The following ASB8 variants were observed in gnomAD, a reference collection of about 807,000 sequenced individuals.
ASB8 encodes ankyrin repeat and SOCS box protein 8.
ASB8 carries 15 observed loss-of-function variants against 22.9 expected under a neutral mutation model. The ratio of observed to expected loss-of-function variants is 0.66; its 90% CI spans 0.44 to 1.01. The LOEUF is 1.01. Among genes scored for constraint, ASB8 ranks in the 50% least tolerant of loss-of-function variants. The pLI is 0.00. For synonymous variants in ASB8, 124 were observed against 140.8 expected, an observed-to-expected ratio of 0.88 and a Z score of 0.84; for missense variants, 294 against 356.9, an observed-to-expected ratio of 0.82 and a Z score of 1.42.
rs1267005639 is a variant in ASB8, at chr12:48,148,848, G to A, written c.*518C>T. On this transcript the variant is annotated 3_prime_UTR_variant, in exon 4 of 4. Coordinates refer to ENST00000317697, the MANE Select transcript of ASB8 (RefSeq NM_024095.5). ...CCAGCTAATTTTTGTATTTTTAGTAGAGACGGGGTTTCATCATATTGGTCA... is the reference window on the plus strand; with the variant it reads ...CCAGCTAATTTTTGTATTTTTAGTAAAGACGGGGTTTCATCATATTGGTCA... 1 of 156,422 alleles carries A rather than the reference G, an allele frequency of 6.4e-6. No homozygotes were observed. The highest frequency in any genetic ancestry group is 1.4e-5 in the Non-Finnish European group (1 of 70,794). The allele number at this position is 156,422 out of a possible 1,614,324, so 9.7% of individuals were successfully genotyped here.
intron 3 of ASB8, chr12:48,150,920 A>G: frequency 1.8e-6 from 1 of 550,408 alleles, no homozygotes; most frequent in Non-Finnish European, 3.2e-6. Context: ...AGTGATGGCC[A>G]GTGACAGCTT....
intron 1 of ASB8, 64 bp from the exon 2 acceptor site, chr12:48,153,593 C>CT: frequency 7.5e-7 from 1 of 1,334,638 alleles, no homozygotes. Context: ...AGGGTTAGGT[C>CT]TTCTCTGAGG....
chr12:48,157,158 G>A (rs541932677), intron 1 of ASB8: 1 of 152,494 alleles, frequency 6.6e-6, no homozygotes, highest in Non-Finnish European at 1.5e-5. Context: ...GTCTCGCTGA[G>A]GCTAGGGGGC....
intron 2 of ASB8, 184 bp from the exon 3 acceptor site, chr12:48,151,489 G>T: frequency 8.6e-7 from 1 of 1,164,760 alleles, no homozygotes; most frequent in Non-Finnish European, 1.2e-6. Flanking sequence ...GTACACTGAA[G>T]ATGAAGGAAA....
chr12:48,150,451 A>G (rs1336269874), intron 3 of ASB8, among the ~76,000 whole-genome samples: 1 of 152,242 alleles, frequency 6.6e-6, no homozygotes, highest in Non-Finnish European at 1.5e-5. Context: ...AACCAAACTG[A>G]AAAACATAGC....
At chr12:48,150,519 C>A (rs539992834) in intron 3 of ASB8, among the ~76,000 whole-genome samples, 143 of 152,318 alleles carry the variant, frequency 9.4e-4, no homozygotes, top group African/African-American at 3.3e-3. Flanking sequence ...ATAAGTCAGA[C>A]CTTTGCAAAA....
At chr12:48,155,607 G>C (rs1435289549) in intron 1 of ASB8, among the ~76,000 whole-genome samples, 1 of 151,164 alleles carries the variant, frequency 6.6e-6, no homozygotes, top group African/African-American at 2.4e-5. Context: ...ACCACCCCTG[G>C]TAGTCCCAGC....
Position 48,153,397 on chromosome 12 carries a change from G to A in ASB8, c.100C>T (p.His34Tyr). The A allele has an allele frequency of 6.2e-7, 1 of 1,614,000 alleles. No individual in the cohort carries two copies. The highest frequency in any genetic ancestry group is 8.5e-7 in the Non-Finnish European group (1 of 1,179,878). Residue 34 changes from histidine to tyrosine, a missense_variant, in exon 2 of 4, where the codon CAT becomes TAT. By Grantham distance (83) the His-to-Tyr change is moderately conservative. Coordinates refer to ENST00000317697, the MANE Select transcript of ASB8 (RefSeq NM_024095.5). ...CTGATGAGGTCCTCTACATTATCAT[G>A]TGGGAAGGAACGGATGGCAGCAATT... ...RTIAAIRSFP[H>Y]DNVEDLIRGG...
rs1219893101 is a variant in ASB8 at position 48,155,729 on chromosome 12, C to CAAA, written c.-34+1727_-34+1729dup. Among the ~76,000 whole-genome samples the CAAA allele has an allele frequency of 8.4e-3, 908 of 107,716 alleles. 13 individuals are homozygous for CAAA. Among genetic ancestry groups the CAAA allele is most frequent in the African/African-American group, 0.024 (646 of 27,016 alleles). 70.7% of individuals were successfully genotyped at this position (107,716 alleles called of 152,430 possible). ...TAGATGACAGAGTGAGACTCCATCT[C>CAAA]AAAAAAAAAAAAAATATATATATAT... is the stretch of plus-strand genomic sequence containing the variant. On this transcript the variant is annotated intron_variant, in intron 1 of 3. Transcript: ENST00000317697.
chr12:48,151,770 G>T (rs10783230), intron 2 of ASB8: 228,353 of 530,660 alleles, frequency 0.43, 52,004 homozygotes, highest in African/African-American at 0.63. Flanking sequence ...ATCTTAACAC[G>T]GTTTTTCCTT....
Position 48,149,284 on chromosome 12 carries a change from T to G in ASB8, c.*82A>C. 3.5e-6 allele frequency: 5 copies of G among 1,410,726 alleles called. No individual in the cohort carries two copies. The highest frequency in any genetic ancestry group is 4.8e-6 in the Non-Finnish European group (5 of 1,037,696). The allele number at this position is 1,410,726 out of a possible 1,614,324, so 87.4% of individuals were successfully genotyped here. On this transcript the variant is annotated 3_prime_UTR_variant, in exon 4 of 4. Transcript: ENST00000317697. Reference sequence around the variant, plus strand: ...AAACCACACAACAGGAACAACTGTTTTTCTGTTTTCTGTGACAAGGAGTAC... The same window carrying G: ...AAACCACACAACAGGAACAACTGTTGTTCTGTTTTCTGTGACAAGGAGTAC...
In ASB8 at chr12:48,149,192, G is replaced by A; in HGVS notation, c.*174C>T. On this transcript the variant is annotated 3_prime_UTR_variant, in exon 4 of 4. Transcript: ENST00000317697. ...AAAAGTGAGGGATTTTTTTTGTTGGGTTGTTTGGTTTGGGAAGGGGAGGTG... is the reference window on the plus strand; with the variant it reads ...AAAAGTGAGGGATTTTTTTTGTTGGATTGTTTGGTTTGGGAAGGGGAGGTG... 1.5e-6 allele frequency: 1 copy of A among 671,872 alleles called. No individual in the cohort carries two copies. Among genetic ancestry groups the A allele is most frequent in the Non-Finnish European group, 2.4e-6 (1 of 414,944 alleles). The allele number at this position is 671,872 out of a possible 1,614,324, so 41.6% of individuals were successfully genotyped here.
chr12:48,149,369 T>C lies in ASB8; in HGVS notation c.864A>G (p.Glu288=). The stretch of plus-strand genomic sequence containing the variant: ...ATGGTGCAAACATCTTCTCCGGCTA[T>C]TCTAAAAGTAACAGGTATTCCTTCA... The part of the protein sequence containing the change: ...ASLKEYLLLL[E] The change falls in exon 4 of 4, where the codon GAA becomes GAG. Residue 288 remains glutamate, a synonymous_variant. Coordinates refer to ENST00000317697, the MANE Select transcript of ASB8 (RefSeq NM_024095.5). The C allele has an allele frequency of 6.2e-7, 1 of 1,613,180 alleles. No individual in the cohort carries two copies. The highest frequency in any genetic ancestry group is 1.1e-5 in the South Asian group (1 of 91,054).
intron 3 of ASB8, chr12:48,150,937 A>G: frequency 3.6e-6 from 2 of 560,424 alleles, no homozygotes; most frequent in Non-Finnish European, 6.3e-6. Flanking sequence ...GCTTAAGTTA[A>G]GGAGAAGAAA....
At chr12:48,153,574 C>A (rs989159823) in intron 1 of ASB8, 45 bp from the exon 2 acceptor site, 67 of 1,508,854 alleles carry the variant, frequency 4.4e-5, no homozygotes, top group Non-Finnish European at 5.6e-5. Context: ...ACTGAGCACA[C>A]CTGTCTTTAG....
intron 2 of ASB8, 145 bp from the exon 3 acceptor site, chr12:48,151,450 A>G (rs889423850): frequency 1.0e-6 from 1 of 966,050 alleles, no homozygotes; most frequent in South Asian, 1.7e-5. Flanking sequence ...CTTTTCTATT[A>G]ATATTATGTC....
At chr12:48,150,228 G>T in intron 3 of ASB8, 1 of 702,076 alleles carries the variant, frequency 1.4e-6, no homozygotes, top group South Asian at 1.5e-5. Flanking sequence ...TATGTGCACT[G>T]ACTAGCTGGT....
Position 48,149,200 on chromosome 12 carries a change from G to A in ASB8, c.*166C>T, listed in dbSNP as rs1440131116. The A allele has an allele frequency of 1.1e-5, 8 of 718,764 alleles. No homozygotes were observed. Among genetic ancestry groups the A allele is most frequent in the African/African-American group, 1.8e-5 (1 of 56,082 alleles). The allele number at this position is 718,764 out of a possible 1,614,324, so 44.5% of individuals were successfully genotyped here. On this transcript the variant is annotated 3_prime_UTR_variant, in exon 4 of 4. Coordinates refer to ENST00000317697, the MANE Select transcript of ASB8 (RefSeq NM_024095.5). ...GGGATTTTTTTTGTTGGGTTGTTTG[G>A]TTTGGGAAGGGGAGGTGCTATGGAG...
chr12:48,153,283 G>GT (rs1951231640), intron 2 of ASB8, 85 bp downstream of exon 2: 1 of 1,510,966 alleles, frequency 6.6e-7, no homozygotes, highest in East Asian at 2.3e-5. Context: ...ATCTTGGGTT[G>GT]AGTCAAAGCT....
Sources: gnomAD v4.1 joint callset for allele counts (sites outside exome capture counted in the v4.1 genomes callset) on GRCh38, gnomAD v4.1.1 for gene constraint, MANE v1.5 for transcripts, NCBI Gene and HGNC (gene_info 2026-07-23, HGNC 2026-07-21) for gene names.